FEZ2: variants seen among roughly 807,000 people sequenced by gnomAD.
FEZ2 encodes fasciculation and elongation protein zeta 2.
A neutral mutation model predicts 40.4 loss-of-function variants in FEZ2; 51 were observed. The ratio of observed to expected loss-of-function variants is 1.26; its 90% CI spans 1.01 to 1.59. FEZ2 has a LOEUF of 1.59. FEZ2 is among the 40% of genes most tolerant of loss of function. FEZ2 has a pLI of 0.00. For synonymous variants in FEZ2, 242 were observed against 172.0 expected (o/e 1.41, Z -3.18); for missense variants, 640 against 438.3 (o/e 1.46, Z -4.11).
In FEZ2 at chr2:36,575,260, C is replaced by T. The variant is rs555940365; in HGVS notation, c.903+3337G>A. 7.5e-4 allele frequency among the ~76,000 whole-genome samples: 114 copies of T among 152,316 alleles called. 1 individual carries two copies. The highest frequency in any genetic ancestry group is 2.6e-3 in the African/African-American group (109 of 41,578). ...AGTGGAGTGGTGTGACCATGGCCCA[C>T]TGCAGCCTCAACCTCCTGGGCTCAA... is the stretch of plus-strand genomic sequence containing the variant. On this transcript the variant is annotated intron_variant, in intron 5 of 7. Coordinates refer to ENST00000405912, the MANE Select transcript of FEZ2 (RefSeq NM_005102.3).
At chr2:36,560,217 A>C (rs577040680) in intron 5 of FEZ2, among the ~76,000 whole-genome samples, 1 of 152,370 alleles carries the variant, frequency 6.6e-6, no homozygotes, top group South Asian at 2.1e-4. Flanking sequence ...TTATATATTC[A>C]TATCTGTGTA....
chr2:36,553,440 T>TG (rs1667873790), intron 7 of FEZ2, among the ~76,000 whole-genome samples: 1 of 152,130 alleles, frequency 6.6e-6, no homozygotes, highest in African/African-American at 2.4e-5. Context: ...TAGAAGCCCC[T>TG]AACATTCGCC....
chr2:36,564,474 A>G (rs946075712), intron 5 of FEZ2, among the ~76,000 whole-genome samples: 1 of 152,120 alleles, frequency 6.6e-6, no homozygotes, highest in Non-Finnish European at 1.5e-5. Context: ...CACATCAGCC[A>G]AGGCCCCTCC....
intron 5 of FEZ2, among the ~76,000 whole-genome samples, chr2:36,570,839 C>G (rs1319339442): frequency 6.6e-6 from 1 of 152,222 alleles, no homozygotes; most frequent in East Asian, 1.9e-4. Context: ...ACTCCATCAT[C>G]TATCTATACG....
intron 5 of FEZ2, among the ~76,000 whole-genome samples, chr2:36,577,230 C>T (rs1041689364): frequency 4.0e-5 from 6 of 150,640 alleles, no homozygotes; most frequent in African/African-American, 1.5e-4. Context: ...TACCTGAGAA[C>T]TTTTTTCAAA....
At chr2:36,585,202 G>A (rs1359899126) in intron 2 of FEZ2, among the ~76,000 whole-genome samples, 2 of 152,194 alleles carry the variant, frequency 1.3e-5, no homozygotes, top group Non-Finnish European at 2.9e-5. Context: ...TAACTTCCAT[G>A]TTTGGAGAAA....
chr2:36,556,147 C>G (rs752817141), intron 6 of FEZ2: 36 of 412,816 alleles, frequency 8.7e-5, no homozygotes, highest in Non-Finnish European at 1.6e-4. Context: ...GCAGATCAAG[C>G]AAACTAGAGA....
Position 36,591,144 on chromosome 2 carries a change from A to C in FEZ2, c.267-133T>G. 4.6e-6 allele frequency: 3 copies of C among 649,090 alleles called. No homozygotes were observed. In the East Asian group the frequency reaches 8.2e-5, roughly 18 times the overall value. 40.2% of individuals were successfully genotyped at this position (649,090 alleles called of 1,614,324 possible). A position where few individuals can be genotyped will look rare whatever the true frequency, so the allele number is the denominator to read the frequency against. ...AACAGACAGCACATTGTTTCTCAGAAAAACATCAACAAAGTAGAGTCTCCT... is the reference window on the plus strand; with the variant it reads ...AACAGACAGCACATTGTTTCTCAGACAAACATCAACAAAGTAGAGTCTCCT... On this transcript the variant is annotated intron_variant, in intron 1 of 7. Transcript: ENST00000405912.
chr2:36,563,416 T>C (rs1210691458), intron 5 of FEZ2, among the ~76,000 whole-genome samples: 1 of 151,416 alleles, frequency 6.6e-6, no homozygotes, highest in African/African-American at 2.4e-5. Context: ...GCTCTTTCAC[T>C]GGCAATGAAC....
chr2:36,597,782 G>A (rs1558463678), intron 1 of FEZ2, 95 bp downstream of exon 1: 6 of 952,310 alleles, frequency 6.3e-6, no homozygotes, highest in Non-Finnish European at 5.5e-6. Context: ...CCGGGCGGAA[G>A]GAGGGCGCAG....
intron 2 of FEZ2, among the ~76,000 whole-genome samples, chr2:36,586,088 A>G (rs2125238935): frequency 6.6e-6 from 1 of 152,288 alleles, no homozygotes; most frequent in Admixed American, 6.5e-5. Context: ...AGAAGGAGAA[A>G]GATCAAGAGA....
intron 4 of FEZ2, chr2:36,579,134 A>G (rs543510702): frequency 5.2e-5 from 21 of 400,078 alleles, no homozygotes; most frequent in Non-Finnish European, 8.4e-5. Context: ...TACTTGTGCA[A>G]ATAAATCATT....
intron 5 of FEZ2, chr2:36,560,915 C>T: frequency 8.3e-7 from 1 of 1,202,266 alleles, no homozygotes; most frequent in Non-Finnish European, 1.2e-6. Flanking sequence ...GAAAGAAGTT[C>T]AAAGTCTATT....
intron 4 of FEZ2, among the ~76,000 whole-genome samples, chr2:36,579,553 C>A (rs1052282915): frequency 5.3e-5 from 8 of 152,028 alleles, no homozygotes; most frequent in Non-Finnish European, 1.2e-4. Flanking sequence ...GGCACTCCCC[C>A]CAGCCCCCTT....
At chr2:36,553,818 C>T (rs1384026432) in intron 7 of FEZ2, among the ~76,000 whole-genome samples, 1 of 151,990 alleles carries the variant, frequency 6.6e-6, no homozygotes, top group East Asian at 1.9e-4. Flanking sequence ...ACAAACCACC[C>T]AAAAAAGGGG....
rs181966332 is a variant in FEZ2 at position 36,552,683 on chromosome 2, G to A, written c.*480C>T. ...GGTTTTGCTTCTTCAAGAACAGCCC[G>A]TTTATTCTGTTTCAATCTCTCTGAA... On this transcript the variant is annotated 3_prime_UTR_variant, in exon 8 of 8. Coordinates refer to ENST00000405912, the MANE Select transcript of FEZ2 (RefSeq NM_005102.3). The A allele has an allele frequency of 6.6e-5, 13 of 197,698 alleles. No individual in the cohort carries two copies. Among genetic ancestry groups the A allele is most frequent in the Middle Eastern group, 2.4e-3 (1 of 422 alleles). 12.2% of individuals were successfully genotyped at this position (197,698 alleles called of 1,614,324 possible). A position where few individuals can be genotyped will look rare whatever the true frequency, so the allele number is the denominator to read the frequency against.
At chr2:36,578,468 G>T in intron 5 of FEZ2, 129 bp downstream of exon 5, 1 of 980,620 alleles carries the variant, frequency 1.0e-6, no homozygotes, top group Non-Finnish European at 1.5e-6. Flanking sequence ...AAATCCCACT[G>T]GGCTCTGATT....
chr2:36,572,173 G>C (rs950432709), intron 5 of FEZ2, among the ~76,000 whole-genome samples: 8 of 151,712 alleles, frequency 5.3e-5, no homozygotes, highest in Non-Finnish European at 1.2e-4. Context: ...GAGAACACTG[G>C]TCTACCTGCT....
intron 2 of FEZ2, among the ~76,000 whole-genome samples, chr2:36,588,755 T>C (rs1422003470): frequency 6.6e-6 from 1 of 152,134 alleles, no homozygotes. Context: ...TTTTCAATTG[T>C]TGTGTTGTTA....
Sources: allele counts gnomAD v4.1 joint callset (sites outside exome capture counted in the v4.1 genomes callset), GRCh38; gene constraint gnomAD v4.1.1; transcripts MANE v1.5; gene names NCBI Gene and HGNC (gene_info 2026-07-23, HGNC 2026-07-21).